MCM4: variants seen among roughly 807,000 people sequenced by gnomAD.
MCM4 encodes the protein minichromosome maintenance complex component 4.
A neutral mutation model predicts 88.7 loss-of-function variants in MCM4; 60 were observed. That is an observed-to-expected ratio of 0.68 (90% confidence interval 0.55 to 0.84). The LOEUF (loss-of-function observed/expected upper bound fraction) is 0.84, where lower values mean the gene tolerates loss of function less well. Ranked by LOEUF, MCM4 falls within the 40% of genes least tolerant of loss-of-function variation. The pLI is 0.00. For synonymous variants in MCM4, 465 were observed against 410.5 expected (o/e 1.13, Z -1.61); for missense variants, 1,149 against 1,105.5 (o/e 1.04, Z -0.56).
chr8:47,961,962 C>A, intron 3 of MCM4, 91 bp from the exon 4 acceptor site: 1 of 1,197,540 alleles, frequency 8.4e-7, no homozygotes, highest in Non-Finnish European at 1.2e-6. Flanking sequence ...ATTCAGTTTG[C>A]TGTTGCGATT....
At chr8:47,966,103 A>G in intron 8 of MCM4, 84 bp from the exon 9 acceptor site, 1 of 1,120,170 alleles carries the variant, frequency 8.9e-7, no homozygotes, top group Non-Finnish European at 1.3e-6. Context: ...AGTCTTGGGC[A>G]CCTAGCTCCT....
At chr8:47,961,312 C>T in intron 2 of MCM4, 98 bp downstream of exon 2, 1 of 1,429,812 alleles carries the variant, frequency 7.0e-7, no homozygotes, top group Non-Finnish European at 9.1e-7. Context: ...GGGACCCGGG[C>T]GCTCAGCCTC....
At position 47,972,970 on chromosome 8, in the gene MCM4, T is replaced by A. The variant is rs569828522; in HGVS notation, c.2042T>A (p.Leu681His). ...AGCGAGGAGCAGGCAGAGGAGGAGC[T>A]CCTGGACATGGCGGTGCTAAAGGAC... ...YQSEEQAEEELLDMAVLKDYI... is the reference protein window; with the variant it reads ...YQSEEQAEEEHLDMAVLKDYI... Residue 681 changes from leucine (L) to histidine (H), a missense_variant, in exon 14 of 17, where the codon CTC (leucine) becomes CAC (histidine). Transcript: ENST00000649973. 2.0e-5 allele frequency: 33 copies of A among 1,614,090 alleles called. 2 individuals are homozygous for A. In the South Asian group the frequency reaches 3.4e-4, roughly 17 times the overall value.
At position 47,972,926 on chromosome 8, in the gene MCM4, G is replaced by A. The variant is rs747590103; in HGVS notation, c.1998G>A (p.Leu666=). The A allele has an allele frequency of 2.5e-6, 4 of 1,614,072 alleles. No homozygotes were observed. The African/African-American group carries it at 5.3e-5, about 22-fold the overall frequency. ...ATGACAGGCGTCTGGCTCACCACCT[G>A]GTCGCACTGTACTACCAGAGCGAGG... The part of the protein sequence containing the change: ...EAYDRRLAHH[L]VALYYQSEEQ... Residue 666 remains leucine, a synonymous_variant, in exon 14 of 17, where the codon CTG becomes CTA. Transcript: ENST00000649973.
intron 4 of MCM4, 31 bp downstream of exon 4, chr8:47,962,247 T>C (rs1263318088): frequency 2.5e-6 from 4 of 1,613,904 alleles, no homozygotes; most frequent in Non-Finnish European, 1.7e-6. Flanking sequence ...AACCATCTTA[T>C]GGCGGGTATC....
intron 13 of MCM4, among the ~76,000 whole-genome samples, chr8:47,972,332 C>T (rs1427115303): frequency 1.3e-5 from 2 of 152,026 alleles, no homozygotes; most frequent in African/African-American, 2.4e-5. Context: ...GGTCCCCAGC[C>T]GTTCCCTGGG....
Position 47,971,460 on chromosome 8 carries a change from A to C in MCM4, c.1920A>C (p.Leu640Phe). 6.2e-7 allele frequency: 1 copy of C among 1,614,020 alleles called. No individual in the cohort carries two copies. The highest frequency in any genetic ancestry group is 8.5e-7 in the Non-Finnish European group (1 of 1,179,892). ...TIENIQLPHTLLSRFDLIFLL... is the reference protein window; with the variant it reads ...TIENIQLPHTFLSRFDLIFLL... ...AAAACATCCAGCTGCCTCATACTTTATTATCAAGGTATTAAAACAGATTTT... is the reference window on the plus strand; with the variant it reads ...AAAACATCCAGCTGCCTCATACTTTCTTATCAAGGTATTAAAACAGATTTT... The change falls in exon 13 of 17, where the codon TTA becomes TTC. Residue 640 changes from leucine (L) to phenylalanine (F), a missense_variant. Transcript: ENST00000649973.
intron 10 of MCM4, 168 bp from the exon 11 acceptor site, chr8:47,969,630 A>G: frequency 1.6e-6 from 1 of 623,902 alleles, no homozygotes; most frequent in Non-Finnish European, 2.8e-6. Context: ...TGTGGGCCTG[A>G]GTCCTGGGCT....
In MCM4 at chr8:47,977,960, G is replaced by C. The variant is rs1242578184; in HGVS notation, c.*1182G>C. 3 of 152,046 alleles carry C rather than the reference G, an allele frequency of 2.0e-5. No homozygotes were observed. The highest frequency in any genetic ancestry group is 4.4e-5 in the Non-Finnish European group (3 of 67,982). 9.4% of individuals were successfully genotyped at this position (152,046 alleles called of 1,614,324 possible). On this transcript the variant is annotated 3_prime_UTR_variant, in exon 17 of 17. Coordinates refer to ENST00000649973, the MANE Select transcript of MCM4 (RefSeq NM_182746.3). Reference sequence around the variant, plus strand: ...GTTACCTGGCATTATTTTTCAGTAAGAAAAAAGCTTTACTAACCACTACAT... The same window carrying C: ...GTTACCTGGCATTATTTTTCAGTAACAAAAAAGCTTTACTAACCACTACAT...
Position 47,969,929 on chromosome 8 carries a change from GC to G in MCM4, c.1307del (p.Ala436GlufsTer41), listed in dbSNP as rs746502938. On this transcript the variant is annotated frameshift_variant, in exon 11 of 17. Transcript: ENST00000649973. LOFTEE classifies it high-confidence loss of function. Reference protein sequence around the residue: ...AKRLHGLDEEAEQKLFSEKRV... With the variant: ...AKRLHGLDEEXEQKLFSEKRV... ...ACGTCTGCATGGCCTTGATGAAGAA[GC>G]AGAACAGAAACTTTTTTCAGAGAAA... The G allele has an allele frequency of 6.2e-7, 1 of 1,614,214 alleles. No homozygotes were observed. Among genetic ancestry groups the G allele is most frequent in the Non-Finnish European group, 8.5e-7 (1 of 1,180,054 alleles).
At chr8:47,971,273 G>A in intron 12 of MCM4, 68 bp from the exon 13 acceptor site, 3 of 1,595,238 alleles carry the variant, frequency 1.9e-6, no homozygotes, top group South Asian at 1.1e-5. Context: ...AGGTGGCCGG[G>A]CGAAGACGGT....
chr8:47,962,557 G>A (rs2090854427), intron 5 of MCM4, 151 bp downstream of exon 5: 1 of 824,262 alleles, frequency 1.2e-6, no homozygotes, highest in South Asian at 1.8e-5. Context: ...GCCAAGGTGG[G>A]AGGATCACTT....
intron 10 of MCM4, 151 bp from the exon 11 acceptor site, chr8:47,969,647 G>A (rs1439033498): frequency 1.5e-6 from 1 of 676,314 alleles, no homozygotes; most frequent in African/African-American, 1.8e-5. Context: ...GGCTTGGGAG[G>A]GTCATTTAAG....
At chr8:47,975,150 A>AAC (rs1006489381) in intron 15 of MCM4, 188 bp downstream of exon 15, 1 of 537,026 alleles carries the variant, frequency 1.9e-6, no homozygotes, top group African/African-American at 1.9e-5. Flanking sequence ...AATATTGATT[A>AAC]ACACACACAG....
chr8:47,961,837 C>T (rs1338299795), intron 3 of MCM4, 157 bp downstream of exon 3: 4 of 1,068,680 alleles, frequency 3.7e-6, no homozygotes, highest in Non-Finnish European at 5.3e-6. Context: ...GAACGGAGTG[C>T]AGAAAATAGT....
intron 8 of MCM4, 137 bp downstream of exon 8, chr8:47,964,849 A>G (rs2090884755): frequency 1.3e-5 from 9 of 682,156 alleles, no homozygotes; most frequent in Non-Finnish European, 2.1e-5. Context: ...TGACAATAAT[A>G]TAGATTCAGT....
rs1241184472 is a variant in MCM4 at position 47,973,494 on chromosome 8, C to CT, written c.2136+444dup. Among the ~76,000 whole-genome samples the CT allele has an allele frequency of 6.7e-3, 949 of 141,828 alleles. 3 individuals carry two copies. Among genetic ancestry groups the CT allele is most frequent in the East Asian group, 0.03 (147 of 4,844 alleles). The allele number at this position is 141,828 out of a possible 152,430, so 93.0% of individuals were successfully genotyped here. ...CTGGGCCTAAGAATAATAAACTTTT[C>CT]TTTTTTTTTTTTTTGTGAGACGGAG... is the stretch of plus-strand genomic sequence containing the variant. On this transcript the variant is annotated intron_variant, in intron 14 of 16. Transcript: ENST00000649973.
At chr8:47,968,733 C>T (rs942012318) in intron 10 of MCM4, among the ~76,000 whole-genome samples, 55 of 152,230 alleles carry the variant, frequency 3.6e-4, no homozygotes, top group Middle Eastern at 3.2e-3. Flanking sequence ...AAGGACAGTG[C>T]TCTGTGCCAT....
At chr8:47,973,124 C>G in intron 14 of MCM4, 60 bp downstream of exon 14, 1 of 1,308,990 alleles carries the variant, frequency 7.6e-7, no homozygotes, top group Non-Finnish European at 1.1e-6. Context: ...TGTAACTGAC[C>G]AATCATCTCC....
Sources: allele counts gnomAD v4.1 joint callset (sites outside exome capture counted in the v4.1 genomes callset), GRCh38; gene constraint gnomAD v4.1.1; transcripts MANE v1.5; gene names NCBI Gene and HGNC (gene_info 2026-07-23, HGNC 2026-07-21).